ASIC2: variants seen among roughly 807,000 people sequenced by gnomAD.
ASIC2 encodes acid-sensing ion channel 2.
Under a neutral mutation model 57.3 loss-of-function variants are expected in ASIC2, and 25 were observed. The ratio of observed to expected loss-of-function variants is 0.44; its 90% CI spans 0.32 to 0.61. The LOEUF (loss-of-function observed/expected upper bound fraction) is 0.61, where lower values mean the gene tolerates loss of function less well. Ranked by LOEUF, ASIC2 falls within the 20% of genes least tolerant of loss-of-function variation. The probability of loss-of-function intolerance (pLI) is 0.06; values close to 1 mark genes in which losing one functional copy is unlikely to be tolerated. For synonymous variants in ASIC2, 319 were observed against 307.5 expected, an observed-to-expected ratio of 1.04 and a Z score of -0.39; for missense variants, 641 against 738.1, an observed-to-expected ratio of 0.87 and a Z score of 1.52.
intron 1 of ASIC2, among the ~76,000 whole-genome samples, chr17:34,135,705 C>T (rs1028903435): frequency 4.6e-5 from 7 of 152,034 alleles, no homozygotes; most frequent in Non-Finnish European, 1.5e-5. Flanking sequence ...GTCAGTAATT[C>T]ACATCAAGGA....
intron 1 of ASIC2, among the ~76,000 whole-genome samples, chr17:33,924,594 C>A (rs567919255): frequency 1.3e-5 from 2 of 152,336 alleles, no homozygotes; most frequent in Non-Finnish European, 2.9e-5. Context: ...TAGGAACTTG[C>A]CTAGTGTGAA....
At chr17:33,206,864 C>A (rs1424743201) in intron 1 of ASIC2, among the ~76,000 whole-genome samples, 1 of 152,058 alleles carries the variant, frequency 6.6e-6, no homozygotes, top group African/African-American at 2.4e-5. Flanking sequence ...TATTTTTGTT[C>A]GATTTTTGAG....
chr17:33,469,327 C>T (rs1173398469), intron 1 of ASIC2, among the ~76,000 whole-genome samples: 3 of 152,162 alleles, frequency 2.0e-5, no homozygotes, highest in Admixed American at 1.3e-4. Context: ...AACCCAAGGG[C>T]AGAGACCATG....
chr17:33,552,831 T>C (rs1915792612), intron 1 of ASIC2, among the ~76,000 whole-genome samples: 1 of 152,172 alleles, frequency 6.6e-6, no homozygotes, highest in Admixed American at 6.5e-5. Context: ...TCGCGTCAGG[T>C]ATTCTGTTAG....
intron 1 of ASIC2, among the ~76,000 whole-genome samples, chr17:33,496,700 C>T (rs1267389827): frequency 6.8e-6 from 1 of 146,312 alleles, no homozygotes; most frequent in Non-Finnish European, 1.5e-5. Flanking sequence ...TCATTGCAAC[C>T]TCCGCCTCCT....
At chr17:34,116,030 C>T (rs985485109) in intron 1 of ASIC2, among the ~76,000 whole-genome samples, 1 of 152,118 alleles carries the variant, frequency 6.6e-6, no homozygotes, top group Non-Finnish European at 1.5e-5. Context: ...CAACATGGAA[C>T]AGCATGAGAT....
intron 1 of ASIC2, among the ~76,000 whole-genome samples, chr17:33,170,173 C>T (rs1387868928): frequency 6.6e-6 from 1 of 152,166 alleles, no homozygotes; most frequent in African/African-American, 2.4e-5. Flanking sequence ...GTTTTACTCA[C>T]CTGAAAATTA....
chr17:34,141,891 CCT>C (rs1912282276), intron 1 of ASIC2, among the ~76,000 whole-genome samples: 1 of 152,148 alleles, frequency 6.6e-6, no homozygotes, highest in African/African-American at 2.4e-5. Context: ...AACAATGGCC[CCT>C]GTTTGTTTAA....
rs1338980713 is a variant in ASIC2, at chr17:33,360,934, T to G, written c.556-248867A>C. Among the ~76,000 whole-genome samples the G allele has an allele frequency of 2.6e-5, 4 of 152,152 alleles. No individual in the cohort carries two copies. In the East Asian group the frequency reaches 7.7e-4, roughly 29 times the overall value. ...TCCCACTGCAGAACCTCCCTTAATCTCAGCATTGTTCCAAAACCCATCAGA... is the reference window on the plus strand; with the variant it reads ...TCCCACTGCAGAACCTCCCTTAATCGCAGCATTGTTCCAAAACCCATCAGA... On this transcript the variant is annotated intron_variant, in intron 1 of 9. Coordinates refer to the ASIC2 transcript ENST00000359872.
chr17:33,869,027 T>C (rs1914319997), intron 1 of ASIC2, among the ~76,000 whole-genome samples: 1 of 152,146 alleles, frequency 6.6e-6, no homozygotes, highest in African/African-American at 2.4e-5. Context: ...ATCTCAGCAC[T>C]GCATTCCACC....
At chr17:33,620,251 A>C (rs117077177) in intron 1 of ASIC2, among the ~76,000 whole-genome samples, 3,434 of 151,602 alleles carry the variant, frequency 0.023, 57 homozygotes, top group Non-Finnish European at 0.034. Flanking sequence ...AAAAAAAAAA[A>C]AAAAAAAAAA....
At position 33,018,582 on chromosome 17, in the gene ASIC2, G is replaced by T. The variant is rs912264603; in HGVS notation, c.1442-898C>A. Among the ~76,000 whole-genome samples the T allele has an allele frequency of 5.9e-5, 9 of 152,328 alleles. No individual in the cohort carries two copies. In the South Asian group the frequency reaches 1.9e-3, roughly 32 times the overall value. Reference sequence around the variant, plus strand: ...TAACAGGGGTTCTGAGTCCTCAAAAGCTTAAGATGCTTTGCTGCAGAGGCA... The same window carrying T: ...TAACAGGGGTTCTGAGTCCTCAAAATCTTAAGATGCTTTGCTGCAGAGGCA... On this transcript the variant is annotated intron_variant, in intron 7 of 9. Transcript: ENST00000225823.
intron 1 of ASIC2, among the ~76,000 whole-genome samples, chr17:33,845,307 A>G (rs945371759): frequency 1.3e-5 from 2 of 152,120 alleles, no homozygotes; most frequent in Non-Finnish European, 2.9e-5. Context: ...CAAATTTATC[A>G]TGTATGCCAA....
At chr17:33,874,230 C>G (rs950597401) in intron 1 of ASIC2, among the ~76,000 whole-genome samples, 1 of 152,154 alleles carries the variant, frequency 6.6e-6, no homozygotes, top group Non-Finnish European at 1.5e-5. Flanking sequence ...CTTAGAATGT[C>G]TATTTTACCC....
intron 1 of ASIC2, among the ~76,000 whole-genome samples, chr17:33,737,093 C>G (rs2142094977): frequency 6.6e-6 from 1 of 152,374 alleles, no homozygotes; most frequent in Middle Eastern, 3.4e-3. Flanking sequence ...TTGGTAGACA[C>G]TGACATTGTT....
intron 1 of ASIC2, among the ~76,000 whole-genome samples, chr17:33,214,413 A>G (rs1907397376): frequency 2.0e-5 from 3 of 152,162 alleles, no homozygotes; most frequent in African/African-American, 7.2e-5. Context: ...GAATCTGCTC[A>G]TCCTCTCTGT....
chr17:33,365,272 C>T (rs1023356571), intron 1 of ASIC2, among the ~76,000 whole-genome samples: 3 of 152,174 alleles, frequency 2.0e-5, no homozygotes, highest in African/African-American at 2.4e-5. Context: ...TGTGCTCCCT[C>T]GGCACCTGGT....
intron 1 of ASIC2, among the ~76,000 whole-genome samples, chr17:34,076,128 G>A (rs549983812): frequency 1.2e-3 from 180 of 151,926 alleles, no homozygotes; most frequent in Non-Finnish European, 2.2e-3. Context: ...TCAGCCTTGC[G>A]AGTAGCTGGG....
At chr17:33,733,671 T>G (rs1351981640) in intron 1 of ASIC2, among the ~76,000 whole-genome samples, 1 of 152,204 alleles carries the variant, frequency 6.6e-6, no homozygotes, top group Admixed American at 6.5e-5. Context: ...TTATCTTCCC[T>G]GCCTGCCACT....
Sources: gnomAD v4.1 joint callset for allele counts (sites outside exome capture counted in the v4.1 genomes callset) on GRCh38, gnomAD v4.1.1 for gene constraint, MANE v1.5 for transcripts, NCBI Gene and HGNC (gene_info 2026-07-23, HGNC 2026-07-21) for gene names.